The following TMC1 variants were observed in gnomAD, a reference collection of about 807,000 sequenced individuals.
TMC1 encodes the protein transmembrane channel like 1.
A neutral mutation model predicts 105.8 loss-of-function variants in TMC1; 84 were observed. That is an observed-to-expected ratio of 0.79 (90% CI 0.67 to 0.95). The LOEUF is 0.95. TMC1 is among the 40% of genes least tolerant of loss of function. The probability of loss-of-function intolerance (pLI) is 0.00; values close to 1 mark genes in which losing one functional copy is unlikely to be tolerated. For missense variants in TMC1, 817 were observed against 914.1 expected (o/e 0.89, Z 1.37); for synonymous variants, 315 against 311.5 (o/e 1.01, Z -0.12).
intron 1 of TMC1, among the ~76,000 whole-genome samples, chr9:72,547,160 G>A (rs899965605): frequency 1.3e-5 from 2 of 152,006 alleles, no homozygotes; most frequent in African/African-American, 4.8e-5. Context: ...GTTGGCGTGC[G>A]CCTGTAATCC....
At chr9:72,713,051 G>T (rs1489738532) in intron 8 of TMC1, among the ~76,000 whole-genome samples, 1 of 152,112 alleles carries the variant, frequency 6.6e-6, no homozygotes, top group Non-Finnish European at 1.5e-5. Flanking sequence ...TTTGTGATTG[G>T]TTCTGTTTAT....
At chr9:72,629,133 G>T (rs1342380552) in intron 4 of TMC1, among the ~76,000 whole-genome samples, 3 of 152,070 alleles carry the variant, frequency 2.0e-5, no homozygotes, top group Admixed American at 6.6e-5. Flanking sequence ...ATCACCATTT[G>T]TTCCAATAGG....
At chr9:72,599,112 C>A (rs1213425299) in intron 2 of TMC1, among the ~76,000 whole-genome samples, 3 of 152,136 alleles carry the variant, frequency 2.0e-5, no homozygotes, top group Admixed American at 2.0e-4. Flanking sequence ...CTCACTGCAA[C>A]CTCCGCCTCC....
intron 5 of TMC1, chr9:72,656,252 G>A (rs1825883330): frequency 2.4e-6 from 1 of 424,426 alleles, no homozygotes; most frequent in African/African-American, 2.0e-5. Flanking sequence ...GGTGAGTCAG[G>A]AGCAGGTGCG....
rs897254540 is a variant in TMC1 at position 72,827,070 on chromosome 9, GCT to G, written c.2129+82_2129+83del. On this transcript the variant is annotated intron_variant, in intron 21 of 23. Coordinates refer to ENST00000297784, the MANE Select transcript of TMC1 (RefSeq NM_138691.3). ...CTGTTTTTACATTTCAGCTTTTTCA[GCT>G]CTCTCACTCTCCCTAAGGGTTCTGC... The G allele has an allele frequency of 6.9e-6, 11 of 1,584,220 alleles. No homozygotes were observed. In the African/African-American group the frequency reaches 1.5e-4, roughly 21 times the overall value.
At chr9:72,642,367 T>C (rs531385783) in intron 4 of TMC1, among the ~76,000 whole-genome samples, 1 of 152,328 alleles carries the variant, frequency 6.6e-6, no homozygotes, top group South Asian at 2.1e-4. Flanking sequence ...GACAGATTTA[T>C]TCATGACTAG....
chr9:72,607,470 T>G (rs1468611898), intron 2 of TMC1, among the ~76,000 whole-genome samples: 1 of 150,810 alleles, frequency 6.6e-6, no homozygotes, highest in Non-Finnish European at 1.5e-5. Flanking sequence ...ATACAAAAAA[T>G]TAGCTGGGTG....
intron 12 of TMC1, among the ~76,000 whole-genome samples, chr9:72,762,195 G>C (rs1417146194): frequency 6.6e-6 from 1 of 152,178 alleles, no homozygotes; most frequent in East Asian, 1.9e-4. Flanking sequence ...AACAAAGTAT[G>C]TCCATTAGAT....
chr9:72,662,752 C>T (rs1200808903), intron 5 of TMC1, among the ~76,000 whole-genome samples: 1 of 152,032 alleles, frequency 6.6e-6, no homozygotes, highest in Non-Finnish European at 1.5e-5. Context: ...TATATCTTAG[C>T]CATAAAACAC....
chr9:72,549,287 G>T (rs1331557120), intron 1 of TMC1, among the ~76,000 whole-genome samples: 2 of 152,130 alleles, frequency 1.3e-5, no homozygotes, highest in African/African-American at 2.4e-5. Flanking sequence ...TGTGAGAATG[G>T]AGTTTCACTA....
chr9:72,628,294 A>G, intron 4 of TMC1: 1 of 276,622 alleles, frequency 3.6e-6, no homozygotes, highest in Non-Finnish European at 7.3e-6. Context: ...GCGAGAGGGA[A>G]AAAGATCTTG....
At position 72,826,757 on chromosome 9, in the gene TMC1, C is replaced by T. The variant is rs975324803; in HGVS notation, c.2004-112C>T. ...TTGTAGCTAAACATCAGATTCCTAC[C>T]CTGAAAGAGGACCTAAGCAGTAATT... On this transcript the variant is annotated intron_variant, in intron 20 of 23. Coordinates refer to ENST00000297784, the MANE Select transcript of TMC1 (RefSeq NM_138691.3). 2.6e-6 allele frequency: 3 copies of T among 1,158,224 alleles called. No homozygotes were observed. The Admixed American group carries it at 5.2e-5, about 20-fold the overall frequency. 71.7% of individuals were successfully genotyped at this position (1,158,224 alleles called of 1,614,324 possible). A position where few individuals can be genotyped will look rare whatever the true frequency, so the allele number is the denominator to read the frequency against.
chr9:72,741,966 A>G (rs1052374676), intron 9 of TMC1, among the ~76,000 whole-genome samples: 2 of 152,244 alleles, frequency 1.3e-5, no homozygotes, highest in African/African-American at 4.8e-5. Context: ...ACCTATTTGT[A>G]CACAGACTAT....
At chr9:72,533,541 G>A (rs2132059167) in intron 1 of TMC1, among the ~76,000 whole-genome samples, 1 of 152,316 alleles carries the variant, frequency 6.6e-6, no homozygotes, top group Admixed American at 6.5e-5. Flanking sequence ...TAAAGGAGAT[G>A]CAGTCCACAC....
intron 4 of TMC1, among the ~76,000 whole-genome samples, chr9:72,634,320 C>A (rs533023477): frequency 1.3e-5 from 2 of 152,184 alleles, no homozygotes; most frequent in South Asian, 4.2e-4. Context: ...TCTATAGGAG[C>A]AAGAGGGGAA....
chr9:72,704,320 G>A (rs7040323), intron 8 of TMC1, among the ~76,000 whole-genome samples: 23,438 of 152,110 alleles, frequency 0.15, 2,332 homozygotes, highest in African/African-American at 0.29. Flanking sequence ...TGGACTTGGA[G>A]AAAGTTTTGA....
At chr9:72,724,330 G>A (rs1827080064) in intron 8 of TMC1, among the ~76,000 whole-genome samples, 1 of 152,168 alleles carries the variant, frequency 6.6e-6, no homozygotes, top group Non-Finnish European at 1.5e-5. Context: ...GAGAGACAGG[G>A]AGAAATGGGG....
chr9:72,688,620 T>A, intron 5 of TMC1, 89 bp from the exon 6 acceptor site: 4 of 1,255,168 alleles, frequency 3.2e-6, no homozygotes, highest in Non-Finnish European at 4.6e-6. Flanking sequence ...CACAAAAACA[T>A]TATGATAAAA....
chr9:72,795,986 AC>A (rs1828358778), intron 17 of TMC1, among the ~76,000 whole-genome samples: 1 of 152,152 alleles, frequency 6.6e-6, no homozygotes, highest in Admixed American at 6.6e-5. Flanking sequence ...ACAGAAAAAA[AC>A]ATGGGTTATT....
Sources: gnomAD v4.1 joint callset for allele counts (sites outside exome capture counted in the v4.1 genomes callset) on GRCh38, gnomAD v4.1.1 for gene constraint, MANE v1.5 for transcripts, NCBI Gene and HGNC (gene_info 2026-07-23, HGNC 2026-07-21) for gene names.